Variants in BCL2L13 observed in about 807,000 individuals in gnomAD.
BCL2L13 encodes BCL2 like 13.
A neutral mutation model predicts 25.8 loss-of-function variants in BCL2L13; 13 were observed. The ratio of observed to expected loss-of-function variants is 0.50; its 90% CI spans 0.33 to 0.80. The LOEUF (loss-of-function observed/expected upper bound fraction) is 0.80. Among genes scored for constraint, BCL2L13 ranks in the 30% least tolerant of loss-of-function variants. The probability of loss-of-function intolerance (pLI) is 0.02; values close to 1 mark genes in which losing one functional copy is unlikely to be tolerated. For synonymous variants in BCL2L13, 244 were observed against 230.3 expected (o/e 1.06, Z -0.54); for missense variants, 504 against 574.9 (o/e 0.88, Z 1.26).
At chr22:17,649,956 C>T (rs990850221) in intron 1 of BCL2L13, among the ~76,000 whole-genome samples, 14 of 145,654 alleles carry the variant, frequency 9.6e-5, no homozygotes, top group East Asian at 2.1e-4. Context: ...CTGCAGCCTC[C>T]GCCTCCCTGC....
chr22:17,631,254 G>A (rs986477811), intron 1 of BCL2L13, among the ~76,000 whole-genome samples: 10 of 151,510 alleles, frequency 6.6e-5, no homozygotes, highest in Non-Finnish European at 1.5e-4. Context: ...CCGCCACCAC[G>A]CCCCGCTAAT....
intron 2 of BCL2L13, among the ~76,000 whole-genome samples, chr22:17,675,141 C>T (rs1234946973): frequency 3.9e-5 from 6 of 152,134 alleles, no homozygotes; most frequent in Non-Finnish European, 5.9e-5. Flanking sequence ...GAATCTTTTA[C>T]CCCTATAATT....
chr22:17,689,015 A>ACTT lies in BCL2L13; in HGVS notation c.262_264dup (p.Ser88dup). 6.2e-7 allele frequency: 1 copy of ACTT among 1,613,958 alleles called. No individual in the cohort carries two copies. On this transcript the variant is annotated inframe_insertion, in exon 4 of 7. Transcript: ENST00000317582. ...CACCAGCACAGGCTTTGACCGTCAC[A>ACTT]CTTCTCCAGTGTTCAGCCCTGCCAA...
intron 4 of BCL2L13, among the ~76,000 whole-genome samples, chr22:17,691,577 C>G (rs536176528): frequency 6.6e-6 from 1 of 151,968 alleles, no homozygotes; most frequent in South Asian, 2.1e-4. Context: ...ACCTGGGAGG[C>G]GGAGCTTGCA....
intron 6 of BCL2L13, among the ~76,000 whole-genome samples, chr22:17,719,499 A>G (rs1222116147): frequency 6.6e-6 from 1 of 152,192 alleles, no homozygotes; most frequent in Non-Finnish European, 1.5e-5. Flanking sequence ...AAAGAGTAGA[A>G]TCAACCCAAA....
chr22:17,715,171 T>TATATATATATATATATA (rs1183781107), intron 6 of BCL2L13, among the ~76,000 whole-genome samples: 2 of 6,630 alleles, frequency 3.0e-4, no homozygotes, highest in Admixed American at 3.5e-3. Flanking sequence ...TATATATATA[T>TATATATATATATATATA]TTTTTTTTTT....
At chr22:17,638,398 T>A (rs1184489072), upstream of BCL2L13, 2 of 314,586 alleles carry the variant, frequency 6.4e-6, no homozygotes, top group Non-Finnish European at 1.2e-5. Flanking sequence ...AGATACTTAT[T>A]TGACCTGCTC....
At chr22:17,662,456 C>G (rs181367015) in intron 2 of BCL2L13, among the ~76,000 whole-genome samples, 1 of 151,968 alleles carries the variant, frequency 6.6e-6, no homozygotes, top group African/African-American at 2.4e-5. Context: ...CCAGCCTAGG[C>G]GACAGAGTGA....
chr22:17,683,163 TA>T, intron 2 of BCL2L13, 50 bp from the exon 3 acceptor site: 2 of 1,046,586 alleles, frequency 1.9e-6, no homozygotes, highest in Non-Finnish European at 2.9e-6. Flanking sequence ...TATTATATTC[TA>T]ATGGTTTCTC....
upstream of BCL2L13, among the ~76,000 whole-genome samples, chr22:17,635,765 A>G (rs1433253498): frequency 2.0e-5 from 3 of 151,474 alleles, no homozygotes; most frequent in African/African-American, 7.3e-5. Flanking sequence ...GCTGGAGTGC[A>G]GTGGTGCGAT....
At chr22:17,666,186 T>A (rs1327409585) in intron 2 of BCL2L13, among the ~76,000 whole-genome samples, 1 of 149,964 alleles carries the variant, frequency 6.7e-6, no homozygotes, top group Non-Finnish European at 1.5e-5. Flanking sequence ...TTTTTAATTT[T>A]AATTTTTAAA....
Position 17,727,627 on chromosome 22 carries a change from AAC to A in BCL2L13, c.*96_*97del. On this transcript the variant is annotated 3_prime_UTR_variant, in exon 7 of 7. Coordinates refer to ENST00000317582, the MANE Select transcript of BCL2L13 (RefSeq NM_015367.4). The stretch of plus-strand genomic sequence containing the variant: ...CCAGCAGCTGTCTGGACATTTGTGG[AAC>A]ACTCTGGGATAATTGGGGACTTCTG... The A allele has an allele frequency of 6.5e-7, 1 of 1,532,548 alleles. No individual in the cohort carries two copies. Among genetic ancestry groups the A allele is most frequent in the Non-Finnish European group, 8.8e-7 (1 of 1,135,322 alleles). 94.9% of individuals were successfully genotyped at this position (1,532,548 alleles called of 1,614,324 possible).
At chr22:17,703,168 T>TACACACAC (rs1160059436) in intron 6 of BCL2L13, 2 of 135,150 alleles carry the variant, frequency 1.5e-5, no homozygotes, top group African/African-American at 5.7e-5. Flanking sequence ...ACAAAATATA[T>TACACACAC]ATATACACAC....
chr22:17,642,857 A>G (rs750776874), intron 1 of BCL2L13, among the ~76,000 whole-genome samples: 2 of 152,138 alleles, frequency 1.3e-5, no homozygotes, highest in Admixed American at 1.3e-4. Context: ...TCTGCCTCCC[A>G]AAGTGCTGGG....
intron 5 of BCL2L13, among the ~76,000 whole-genome samples, chr22:17,699,595 G>A (rs2587080): frequency 0.15 from 22,096 of 152,158 alleles, 2,084 homozygotes; most frequent in Non-Finnish European, 0.21. Flanking sequence ...TATATATGAT[G>A]TGGGGATTAC....
chr22:17,712,932 T>TA (rs2060803337), intron 6 of BCL2L13, among the ~76,000 whole-genome samples: 1 of 152,222 alleles, frequency 6.6e-6, no homozygotes, highest in Non-Finnish European at 1.5e-5. Flanking sequence ...CGATTTACCT[T>TA]ACAGTTAATG....
At chr22:17,703,731 G>A (rs1209865384) in intron 6 of BCL2L13, 1 of 152,112 alleles carries the variant, frequency 6.6e-6, no homozygotes, top group Non-Finnish European at 1.5e-5. Flanking sequence ...TTTGTCTTAG[G>A]AAAATAAAAA....
chr22:17,697,020 A>G (rs931663815), intron 5 of BCL2L13, among the ~76,000 whole-genome samples: 5 of 152,120 alleles, frequency 3.3e-5, no homozygotes, highest in South Asian at 2.1e-4. Flanking sequence ...ATTGTTTGTC[A>G]TGAGTCAGAC....
chr22:17,702,536 TG>T, intron 6 of BCL2L13, 150 bp downstream of exon 6: 1 of 678,800 alleles, frequency 1.5e-6, no homozygotes, highest in Non-Finnish European at 2.2e-6. Flanking sequence ...CTCAAACTCC[TG>T]GGCTCAAGTG....
Sources: gnomAD v4.1 joint callset for allele counts (sites outside exome capture counted in the v4.1 genomes callset) on GRCh38, gnomAD v4.1.1 for gene constraint, MANE v1.5 for transcripts, NCBI Gene and HGNC (gene_info 2026-07-23, HGNC 2026-07-21) for gene names.